ZBTB41: variants seen among roughly 807,000 people sequenced by gnomAD.
The protein encoded by ZBTB41 is zinc finger and BTB domain containing 41, also known as zinc finger and BTB domain-containing protein 41.
Under a neutral mutation model 87.6 loss-of-function variants are expected in ZBTB41, and 42 were observed. The observed-to-expected ratio is 0.48, with a 90% CI of 0.37 to 0.62. ZBTB41 has a LOEUF of 0.62. ZBTB41 is among the 20% of genes least tolerant of loss of function. The pLI is 0.00. For synonymous variants in ZBTB41, 364 were observed against 364.0 expected, an observed-to-expected ratio of 1.00 and a Z score of 0.00; for missense variants, 799 against 1,078.9, an observed-to-expected ratio of 0.74 and a Z score of 3.63.
In ZBTB41 at chr1:197,153,849, T is replaced by A. The variant is rs1044478269; in HGVS notation, c.*5510A>T. On this transcript the variant is annotated 3_prime_UTR_variant, in exon 11 of 11. Coordinates refer to ENST00000367405, the MANE Select transcript of ZBTB41 (RefSeq NM_194314.3). ...AAGTATGTATAAAACTCACAAGATA[T>A]TTTACACACAGTTCACAATAATTAA... The A allele has an allele frequency of 3.3e-5, 5 of 152,184 alleles. No individual in the cohort carries two copies. Among genetic ancestry groups the A allele is most frequent in the African/African-American group, 1.2e-4 (5 of 41,458 alleles). The allele number at this position is 152,184 out of a possible 1,614,324, so 9.4% of individuals were successfully genotyped here. A position where few individuals can be genotyped will look rare whatever the true frequency, so the allele number is the denominator to read the frequency against.
chr1:197,198,560 T>G (rs752602671), intron 2 of ZBTB41, among the ~76,000 whole-genome samples: 1 of 152,176 alleles, frequency 6.6e-6, no homozygotes, highest in Non-Finnish European at 1.5e-5. Flanking sequence ...GGAAGCTTAA[T>G]TGTTGCAACT....
Position 197,172,183 on chromosome 1 carries a change from TC to T in ZBTB41, c.2050del (p.Glu684LysfsTer28). 1 of 1,434,428 alleles carries T rather than the reference TC, an allele frequency of 7.0e-7. No individual in the cohort carries two copies. The highest frequency in any genetic ancestry group is 2.1e-5 in the Admixed American group (1 of 47,732). The allele number at this position is 1,434,428 out of a possible 1,614,324, so 88.9% of individuals were successfully genotyped here. ...ACCTGAATGCGTTCGAAAATGCATTTCCAGACTTGATTTGCCTTTAAAAATT... is the reference window on the plus strand; with the variant it reads ...ACCTGAATGCGTTCGAAAATGCATTTCAGACTTGATTTGCCTTTAAAAATT... ...KKIFKGKSSL[E>X]MHFRTHSGEK... On this transcript the variant is annotated frameshift_variant, in exon 10 of 11. Transcript: ENST00000367405. LOFTEE classifies it high-confidence loss of function.
At chr1:197,179,595 G>C (rs1659694010) in intron 6 of ZBTB41, among the ~76,000 whole-genome samples, 1 of 151,896 alleles carries the variant, frequency 6.6e-6, no homozygotes, top group South Asian at 2.1e-4. Flanking sequence ...AGAAGGCATG[G>C]TTACCATAGG....
intron 10 of ZBTB41, among the ~76,000 whole-genome samples, chr1:197,165,247 G>A (rs899204412): frequency 1.3e-4 from 20 of 151,678 alleles, no homozygotes; most frequent in African/African-American, 4.4e-4. Flanking sequence ...AACCATTAAC[G>A]AGAGAACAAT....
rs182183210 is a variant in ZBTB41, at chr1:197,186,587, C to T, written c.1546+1705G>A. On this transcript the variant is annotated intron_variant, in intron 5 of 10. Transcript: ENST00000367405. ...TTGATTAAAAAATGGGCCAGCCAGG[C>T]GTGGTGGCTCACGCCTGTAATCCCA... 2.8e-3 allele frequency among the ~76,000 whole-genome samples: 433 copies of T among 152,100 alleles called. 1 individual carries two copies. The highest frequency in any genetic ancestry group is 9.7e-3 in the African/African-American group (402 of 41,530).
intron 6 of ZBTB41, among the ~76,000 whole-genome samples, chr1:197,179,296 G>A (rs555001525): frequency 1.3e-5 from 2 of 152,086 alleles, no homozygotes; most frequent in Admixed American, 6.6e-5. Flanking sequence ...AGATTACAAC[G>A]GAGCTACACA....
At position 197,199,407 on chromosome 1, in the gene ZBTB41, C is replaced by A; in HGVS notation, c.1067G>T (p.Ser356Ile). Residue 356 changes from serine to isoleucine, a missense_variant, in exon 2 of 11, where the codon AGC becomes ATC. Coordinates refer to ENST00000367405, the MANE Select transcript of ZBTB41 (RefSeq NM_194314.3). The stretch of plus-strand genomic sequence containing the variant: ...AGGACACTGCAATATTTTTTTGTTG[C>A]TGTTCTGAATGACCACTGGAGTTAA... ...EGLTPVVIQNSNKKILQCPKC... is the reference protein window; with the variant it reads ...EGLTPVVIQNINKKILQCPKC... The A allele has an allele frequency of 6.3e-7, 1 of 1,589,506 alleles. No individual in the cohort carries two copies.
intron 10 of ZBTB41, among the ~76,000 whole-genome samples, chr1:197,170,888 A>AT (rs1659462033): frequency 6.6e-6 from 1 of 151,990 alleles, no homozygotes; most frequent in African/African-American, 2.4e-5. Context: ...TTTCCCTCTC[A>AT]TTTCATAATA....
intron 10 of ZBTB41, among the ~76,000 whole-genome samples, chr1:197,164,040 T>A (rs1482152604): frequency 6.6e-6 from 1 of 151,972 alleles, no homozygotes; most frequent in Non-Finnish European, 1.5e-5. Context: ...GCAATAATAT[T>A]AAATATTTAA....
At chr1:197,172,565 A>T (rs1659506699) in intron 9 of ZBTB41, among the ~76,000 whole-genome samples, 1 of 152,044 alleles carries the variant, frequency 6.6e-6, no homozygotes, top group Non-Finnish European at 1.5e-5. Context: ...CAAATATACA[A>T]AAAGAAAAAT....
chr1:197,188,552 A>G, intron 4 of ZBTB41, 113 bp from the exon 5 acceptor site: 1 of 1,067,642 alleles, frequency 9.4e-7, no homozygotes, highest in Non-Finnish European at 1.3e-6. Flanking sequence ...TTCTCCCAAC[A>G]GAAAACTTAC....
chr1:197,181,017 G>T lies in ZBTB41; in HGVS notation c.1647C>A (p.Cys549Ter). The change falls in exon 6 of 11, where the codon TGC (cysteine) becomes TGA (stop). Residue 549 changes from cysteine to a stop codon, truncating the protein, a stop_gained. Coordinates refer to ENST00000367405, the MANE Select transcript of ZBTB41 (RefSeq NM_194314.3). LOFTEE classifies it high-confidence loss of function. ...CTHGGKRKWT[C>*]FICGKSVRER... ...CTCGTACTGATTTTCCACAGATAAA[G>T]CAAGTCCATTTTCTCTTTCCACCAT... 6.3e-7 allele frequency: 1 copy of T among 1,599,132 alleles called. No individual in the cohort carries two copies. Among genetic ancestry groups the T allele is most frequent in the Non-Finnish European group, 8.5e-7 (1 of 1,176,454 alleles).
At position 197,201,281 on chromosome 1, in the gene ZBTB41, C is replaced by G. The variant is rs551726778; in HGVS notation, c.-176G>C. Reference sequence around the variant, plus strand: ...AGCTGAGCTCCACTCTGGGCGCGCTCGCTCCTGCGCCTACCCACTTCCGGG... The same window carrying G: ...AGCTGAGCTCCACTCTGGGCGCGCTGGCTCCTGCGCCTACCCACTTCCGGG... On this transcript the variant is annotated 5_prime_UTR_variant, in exon 1 of 11. Coordinates refer to ENST00000367405, the MANE Select transcript of ZBTB41 (RefSeq NM_194314.3). 6.6e-6 allele frequency among the ~76,000 whole-genome samples: 1 copy of G among 152,188 alleles called. No homozygotes were observed. Among genetic ancestry groups the G allele is most frequent in the African/African-American group, 2.4e-5 (1 of 41,446 alleles).
In ZBTB41 at chr1:197,156,135, A is replaced by G. The variant is rs1001078429; in HGVS notation, c.*3224T>C. 1 of 152,206 alleles carries G rather than the reference A, an allele frequency of 6.6e-6. No homozygotes were observed. The highest frequency in any genetic ancestry group is 1.5e-5 in the Non-Finnish European group (1 of 67,740). 9.4% of individuals were successfully genotyped at this position (152,206 alleles called of 1,614,324 possible). A position where few individuals can be genotyped will look rare whatever the true frequency, so the allele number is the denominator to read the frequency against. ...GGTTTGTCAGTATGACTATTCCCAGAGTATTTTCTTTTGCTCCTATTTTTA... is the reference window on the plus strand; with the variant it reads ...GGTTTGTCAGTATGACTATTCCCAGGGTATTTTCTTTTGCTCCTATTTTTA... On this transcript the variant is annotated 3_prime_UTR_variant, in exon 11 of 11. Transcript: ENST00000367405.
Position 197,181,009 on chromosome 1 carries a change from C to A in ZBTB41, c.1655G>T (p.Cys552Phe). The change falls in exon 6 of 11, where the codon TGT becomes TTT. Residue 552 changes from cysteine to phenylalanine, a missense_variant. This residue lies in a region of ZBTB41 where 198 missense variants were observed against 358.4 expected (regional missense o/e 0.55). Transcript: ENST00000367405. The part of the protein sequence containing the change: ...GGKRKWTCFI[C>F]GKSVRERTTL... The stretch of plus-strand genomic sequence containing the variant: ...TCACCTTTCTCGTACTGATTTTCCA[C>A]AGATAAAGCAAGTCCATTTTCTCTT... 1 of 1,593,226 alleles carries A rather than the reference C, an allele frequency of 6.3e-7. No homozygotes were observed. The highest frequency in any genetic ancestry group is 8.5e-7 in the Non-Finnish European group (1 of 1,175,028).
At chr1:197,185,920 C>A (rs1049361329) in intron 5 of ZBTB41, among the ~76,000 whole-genome samples, 1 of 152,068 alleles carries the variant, frequency 6.6e-6, no homozygotes, top group Non-Finnish European at 1.5e-5. Flanking sequence ...ACATTCAATG[C>A]AATCCCAATC....
chr1:197,166,097 G>C (rs182139794), intron 10 of ZBTB41, among the ~76,000 whole-genome samples: 7 of 152,250 alleles, frequency 4.6e-5, no homozygotes, highest in African/African-American at 1.7e-4. Context: ...TGTAGGTGAC[G>C]GGTTGATGGG....
chr1:197,171,842 A>C (rs1659487058), intron 10 of ZBTB41, among the ~76,000 whole-genome samples: 1 of 152,002 alleles, frequency 6.6e-6, no homozygotes. Flanking sequence ...TTCAGAAAGC[A>C]AAATAAAGAA....
Position 197,181,050 on chromosome 1 carries a change from T to C in ZBTB41, c.1614A>G (p.Glu538=). Residue 538 remains glutamate (E), a synonymous_variant, in exon 6 of 11, where the codon GAA becomes GAG. Transcript: ENST00000367405. ...NDTGNLKRHI[E]CTHGGKRKWT... ...ATTTTCTCTTTCCACCATGAGTACA[T>C]TCTATATGACGTTTCAAATTTCCAG... The C allele has an allele frequency of 6.2e-7, 1 of 1,607,580 alleles. No individual in the cohort carries two copies. Among genetic ancestry groups the C allele is most frequent in the Non-Finnish European group, 8.5e-7 (1 of 1,178,432 alleles).
Sources: gnomAD v4.1 joint callset for allele counts (sites outside exome capture counted in the v4.1 genomes callset) on GRCh38, gnomAD v4.1.1 for gene constraint, gnomAD v4.1.1 regional missense constraint, MANE v1.5 for transcripts, NCBI Gene and HGNC (gene_info 2026-07-23, HGNC 2026-07-21) for gene names.